Variants in PTPN9 observed in about 807,000 individuals in gnomAD.
PTPN9 encodes the protein tyrosine-protein phosphatase non-receptor type 9.
In PTPN9, 26 loss-of-function variants were observed where a neutral mutation model predicts 69.8. That is an observed-to-expected ratio of 0.37 (90% CI 0.27 to 0.52). The LOEUF (loss-of-function observed/expected upper bound fraction) is 0.52, where lower values mean the gene tolerates loss of function less well. PTPN9 is among the 20% of genes least tolerant of loss of function. The pLI is 0.91. For missense variants in PTPN9, 549 were observed against 740.3 expected, an observed-to-expected ratio of 0.74 and a Z score of 3.00; for synonymous variants, 274 against 272.5, an observed-to-expected ratio of 1.01 and a Z score of -0.05.
intron 5 of PTPN9, among the ~76,000 whole-genome samples, chr15:75,515,540 G>T (rs942467397): frequency 8.5e-5 from 13 of 152,172 alleles, no homozygotes; most frequent in African/African-American, 3.1e-4. Context: ...GGCCAAGGAG[G>T]CGGTACTGCT....
At chr15:75,496,542 G>A (rs1388029860) in intron 7 of PTPN9, among the ~76,000 whole-genome samples, 1 of 146,240 alleles carries the variant, frequency 6.8e-6, no homozygotes, top group East Asian at 2.0e-4. Flanking sequence ...TGTATTCCAA[G>A]CTGGAGTCCA....
Position 75,524,133 on chromosome 15 carries a change from A to AAC in PTPN9, c.297+75_297+76insGT, listed in dbSNP as rs1555455590. On this transcript the variant is annotated intron_variant, in intron 3 of 12. Transcript: ENST00000618819. ...TAATAAAATTAAAAAAAAAAAAAAA[A>AAC]AAACAAAGTCCAAACAGGACACCAG... The AAC allele has an allele frequency of 8.4e-5, 61 of 722,808 alleles. No homozygotes were observed. The African/African-American group carries it at 9.1e-4, about 11-fold the overall frequency. 44.8% of individuals were successfully genotyped at this position (722,808 alleles called of 1,614,324 possible).
intron 5 of PTPN9, among the ~76,000 whole-genome samples, chr15:75,513,691 C>T (rs768832218): frequency 5.3e-5 from 8 of 150,078 alleles, no homozygotes; most frequent in Non-Finnish European, 8.9e-5. Flanking sequence ...CACTTGAACC[C>T]GGGAGGCGGA....
intron 1 of PTPN9, among the ~76,000 whole-genome samples, chr15:75,571,060 G>C (rs1365047695): frequency 6.6e-6 from 1 of 152,144 alleles, no homozygotes; most frequent in African/African-American, 2.4e-5. Flanking sequence ...AGGAGTTTGA[G>C]ACCAGCCTGG....
Position 75,505,883 on chromosome 15 carries a change from C to T in PTPN9, c.760G>A (p.Val254Met), listed in dbSNP as rs1353811108. The T allele has an allele frequency of 1.2e-6, 2 of 1,613,936 alleles. No homozygotes were observed. The highest frequency in any genetic ancestry group is 1.7e-6 in the Non-Finnish European group (2 of 1,180,032). ...TCGAAGGGATCTGGGTGGCCGTTCA[C>T]CTGGGGTAGGAACTGGAAATTCCAA... ...ATWNFQFLPQ[V>M]NGHPDPFDEI... Residue 254 changes from valine (V) to methionine (M), a missense_variant, in exon 7 of 13, where the codon GTG (valine) becomes ATG (methionine). Around this residue, in one of 3 missense-constraint regions of PTPN9, gnomAD observed 457 missense variants for 661.9 expected, o/e 0.69. Coordinates refer to ENST00000618819, the MANE Select transcript of PTPN9 (RefSeq NM_002833.4).
At chr15:75,570,178 C>G (rs1318418549) in intron 1 of PTPN9, 1 of 152,150 alleles carries the variant, frequency 6.6e-6, no homozygotes, top group Non-Finnish European at 1.5e-5. Context: ...CTAATTGTTA[C>G]TTACAGTATC....
chr15:75,534,760 G>A (rs2074976140), intron 1 of PTPN9, among the ~76,000 whole-genome samples: 1 of 150,756 alleles, frequency 6.6e-6, no homozygotes, highest in African/African-American at 2.4e-5. Context: ...ATCACCTGAG[G>A]TCAGAAGTTT....
chr15:75,495,103 A>T (rs558714528), intron 7 of PTPN9, among the ~76,000 whole-genome samples: 1 of 152,208 alleles, frequency 6.6e-6, no homozygotes, highest in African/African-American at 2.4e-5. Flanking sequence ...GTAATTGGAA[A>T]GGCATTGCCT....
intron 4 of PTPN9, among the ~76,000 whole-genome samples, chr15:75,517,584 G>A (rs780872651): frequency 3.0e-4 from 45 of 152,174 alleles, no homozygotes; most frequent in Non-Finnish European, 6.2e-4. Context: ...CAAACTCGTA[G>A]GTTGAGAATG....
At chr15:75,539,797 G>A (rs889432996) in intron 1 of PTPN9, among the ~76,000 whole-genome samples, 24 of 151,184 alleles carry the variant, frequency 1.6e-4, no homozygotes, top group Non-Finnish European at 5.9e-5. Flanking sequence ...TCAGCCTCCT[G>A]AGTAGCTGGG....
At chr15:75,545,179 G>A (rs1328184498) in intron 1 of PTPN9, among the ~76,000 whole-genome samples, 1 of 152,196 alleles carries the variant, frequency 6.6e-6, no homozygotes, top group Non-Finnish European at 1.5e-5. Flanking sequence ...TGTCAATGGT[G>A]ATGGGCTCTT....
chr15:75,479,804 A>G, intron 9 of PTPN9, 44 bp downstream of exon 9: 1 of 1,486,722 alleles, frequency 6.7e-7, no homozygotes, highest in South Asian at 1.2e-5. Flanking sequence ...AGGAATCATA[A>G]GTAGATGGCA....
chr15:75,519,578 AC>A, intron 4 of PTPN9, among the ~76,000 whole-genome samples: 1 of 152,148 alleles, frequency 6.6e-6, no homozygotes, highest in East Asian at 1.9e-4. Context: ...TTCAACTGGC[AC>A]CTAATGTGTT....
chr15:75,540,339 T>A (rs2075002701), intron 1 of PTPN9, among the ~76,000 whole-genome samples: 1 of 151,878 alleles, frequency 6.6e-6, no homozygotes, highest in African/African-American at 2.4e-5. Context: ...GGCAGGTGGA[T>A]CTCAAGAGTT....
At position 75,468,922 on chromosome 15, in the gene PTPN9, C is replaced by A; in HGVS notation, c.1629G>T (p.Val543=). Residue 543 remains valine, a synonymous_variant, in exon 13 of 13, where the codon GTG becomes GTT. Coordinates refer to ENST00000618819, the MANE Select transcript of PTPN9 (RefSeq NM_002833.4). ...AQLEELGTLN[V]FQTVSRMRTQ... is the part of the protein sequence containing the mutation. The stretch of plus-strand genomic sequence containing the variant: ...TCCTCATGCGTGACACCGTCTGGAA[C>A]ACATTAAGGGTGCCAAGCTCCTCCA... 1 of 1,614,208 alleles carries A rather than the reference C, an allele frequency of 6.2e-7. No homozygotes were observed. Among genetic ancestry groups the A allele is most frequent in the South Asian group, 1.1e-5 (1 of 91,082 alleles).
At chr15:75,519,286 G>A (rs1034306684) in intron 4 of PTPN9, among the ~76,000 whole-genome samples, 6 of 152,180 alleles carry the variant, frequency 3.9e-5, no homozygotes, top group Admixed American at 2.0e-4. Context: ...TGTATTTTTA[G>A]TAGAGACGGG....
At chr15:75,505,091 CTT>C (rs2074810951) in intron 7 of PTPN9, among the ~76,000 whole-genome samples, 2 of 152,134 alleles carry the variant, frequency 1.3e-5, no homozygotes, top group Non-Finnish European at 2.9e-5. Flanking sequence ...ACATGGGAGA[CTT>C]TTCATTTTGT....
At chr15:75,539,611 GAGA>G (rs2074999851) in intron 1 of PTPN9, among the ~76,000 whole-genome samples, 1 of 151,892 alleles carries the variant, frequency 6.6e-6, no homozygotes, top group Admixed American at 6.6e-5. Flanking sequence ...CAGCCTAGTA[GAGA>G]AGATTTAATT....
chr15:75,485,099 C>G (rs1192547528), intron 8 of PTPN9, among the ~76,000 whole-genome samples: 1 of 152,134 alleles, frequency 6.6e-6, no homozygotes, highest in Non-Finnish European at 1.5e-5. Flanking sequence ...CTTCACTGAG[C>G]TAATAGACCA....
Sources: allele counts gnomAD v4.1 joint callset (sites outside exome capture counted in the v4.1 genomes callset), GRCh38; gene constraint gnomAD v4.1.1; regional missense constraint gnomAD v4.1.1; transcripts MANE v1.5; gene names NCBI Gene and HGNC (gene_info 2026-07-23, HGNC 2026-07-21).